DRC2: variants seen among roughly 807,000 people sequenced by gnomAD.
DRC2 encodes the protein coiled-coil domain containing 65.
the DRC2 span, chr12:48,905,209 G>A: frequency 8.9e-7 from 1 of 1,119,440 alleles, no homozygotes; most frequent in East Asian, 2.5e-5. Flanking sequence ...ACAAGACACA[G>A]GCTGTGAGAA....
At chr12:48,905,000 A>C in the DRC2 span, 1 of 1,614,012 alleles carries the variant, frequency 6.2e-7, no homozygotes, top group South Asian at 1.1e-5. Context: ...TAAGATTAAC[A>C]CACAGTGGAG....
the DRC2 span, chr12:48,918,536 C>A: frequency 6.5e-7 from 1 of 1,540,462 alleles, no homozygotes; most frequent in South Asian, 1.2e-5. Flanking sequence ...CTTTTGCTTC[C>A]CCTTGTTTCC....
chr12:48,913,716 C>T, the DRC2 span, among the ~76,000 whole-genome samples: 1 of 151,442 alleles, frequency 6.6e-6, no homozygotes, highest in Non-Finnish European at 1.5e-5. Context: ...AGGCTGGTCT[C>T]GAACTCCTGA....
the DRC2 span, chr12:48,920,895 T>C: frequency 1.3e-6 from 2 of 1,579,982 alleles, no homozygotes; most frequent in Non-Finnish European, 1.7e-6. Flanking sequence ...CTTCACTCCC[T>C]TTCCTAATAT....
the DRC2 span, among the ~76,000 whole-genome samples, chr12:48,920,111 T>TAAAAAA: frequency 3.1e-5 from 1 of 32,054 alleles, no homozygotes; most frequent in African/African-American, 1.4e-4. Context: ...AGACCCTGTC[T>TAAAAAA]AAAAAAAAAA....
chr12:48,905,201 A>C, the DRC2 span: 1 of 1,191,642 alleles, frequency 8.4e-7, no homozygotes, highest in Non-Finnish European at 1.2e-6. Context: ...AAGCCCTCAC[A>C]AGACACAGGC....
chr12:48,917,122 G>A, the DRC2 span: 976 of 1,613,580 alleles, frequency 6.0e-4, 15 homozygotes, highest in South Asian at 0.01. Context: ...CGGAGGGAGA[G>A]TAGATAGGCA....
chr12:48,904,977 C>T, the DRC2 span: 1 of 1,612,844 alleles, frequency 6.2e-7, no homozygotes, highest in Non-Finnish European at 8.5e-7. Flanking sequence ...CACAACAGTG[C>T]TCTGAACCTT....
At chr12:48,912,004 A>T in the DRC2 span, among the ~76,000 whole-genome samples, 3,300 of 152,146 alleles carry the variant, frequency 0.022, 58 homozygotes, top group Non-Finnish European at 0.035. Context: ...TCACACCTGT[A>T]ATCCCAGCAC....
At chr12:48,904,998 A>G in the DRC2 span, 1 of 1,613,964 alleles carries the variant, frequency 6.2e-7, no homozygotes, top group Non-Finnish European at 8.5e-7. Flanking sequence ...AATAAGATTA[A>G]CACACAGTGG....
At chr12:48,920,400 C>A in the DRC2 span, among the ~76,000 whole-genome samples, 1 of 128,870 alleles carries the variant, frequency 7.8e-6, no homozygotes, top group Non-Finnish European at 1.6e-5. Flanking sequence ...GAGATCGCGC[C>A]ACTGCACTCC....
chr12:48,917,458 T>C, the DRC2 span, among the ~76,000 whole-genome samples: 2 of 151,554 alleles, frequency 1.3e-5, no homozygotes, highest in Admixed American at 6.6e-5. Flanking sequence ...AGCGAGACCC[T>C]GTCTCAAAAA....
At chr12:48,921,151 T>C in the DRC2 span, 1 of 1,612,888 alleles carries the variant, frequency 6.2e-7, no homozygotes, top group African/African-American at 1.3e-5. Context: ...ACCTTCTCCC[T>C]GTAACTCCAC....
chr12:48,905,888 C>T, the DRC2 span, among the ~76,000 whole-genome samples: 1 of 152,122 alleles, frequency 6.6e-6, no homozygotes, highest in Non-Finnish European at 1.5e-5. Context: ...TCTTCTGCCT[C>T]AGCCTCCCGA....
At chr12:48,918,532 CTTCCCCTTGT>C in the DRC2 span, 226 of 1,562,852 alleles carry the variant, frequency 1.4e-4, no homozygotes, top group Non-Finnish European at 1.9e-4. Flanking sequence ...CCCTCTTTTG[CTTCCCCTTGT>C]TTCCCCTGGG....
At chr12:48,905,082 G>A in the DRC2 span, 6 of 1,613,058 alleles carry the variant, frequency 3.7e-6, no homozygotes, top group African/African-American at 6.7e-5. Context: ...ACATTTGAAC[G>A]AGTGGTGGAC....
chr12:48,915,209 T>G, the DRC2 span, among the ~76,000 whole-genome samples: 1 of 150,222 alleles, frequency 6.7e-6, no homozygotes, highest in Non-Finnish European at 1.5e-5. Flanking sequence ...GGTCAGCAGA[T>G]AAACAAGTGA....
At chr12:48,906,575 C>T in the DRC2 span, among the ~76,000 whole-genome samples, 12 of 151,874 alleles carry the variant, frequency 7.9e-5, no homozygotes, top group Non-Finnish European at 1.6e-4. Context: ...TGAGCCACCA[C>T]GCCCAGCCAC....
chr12:48,909,667 G>C, the DRC2 span, among the ~76,000 whole-genome samples: 1 of 151,866 alleles, frequency 6.6e-6, no homozygotes, highest in African/African-American at 2.4e-5. Context: ...TAGTAGATAC[G>C]GGGTTTCGCC....
Sources: allele counts gnomAD v4.1 joint callset (sites outside exome capture counted in the v4.1 genomes callset), GRCh38; gene constraint gnomAD v4.1.1; transcripts MANE v1.5; gene names NCBI Gene and HGNC (gene_info 2026-07-23, HGNC 2026-07-21).